Variants in PCLO observed in about 807,000 individuals in gnomAD.
PCLO encodes piccolo presynaptic cytomatrix protein, also known as protein piccolo.
A neutral mutation model predicts 427.5 loss-of-function variants in PCLO; 82 were observed. The ratio of observed to expected loss-of-function variants is 0.19; its 90% CI spans 0.16 to 0.23. PCLO has a LOEUF of 0.23. PCLO is among the 10% of genes least tolerant of loss of function. The pLI, the probability that PCLO is intolerant of heterozygous loss-of-function variation, is 1.00. For missense variants in PCLO, 6,239 were observed against 6,115.9 expected (o/e 1.02, Z -0.67); for synonymous variants, 2,357 against 2,155.4 (o/e 1.09, Z -2.59).
intron 9 of PCLO, among the ~76,000 whole-genome samples, 192 bp downstream of exon 9, chr7:82,902,459 G>A (rs1794067547): frequency 6.6e-6 from 1 of 151,892 alleles, no homozygotes; most frequent in Non-Finnish European, 1.5e-5. Flanking sequence ...ATAGCATTAG[G>A]AGATATACCT....
intron 3 of PCLO, among the ~76,000 whole-genome samples, chr7:83,082,204 A>G (rs1790120023): frequency 6.6e-6 from 1 of 151,592 alleles, no homozygotes; most frequent in Non-Finnish European, 1.5e-5. Context: ...AAAATATGCA[A>G]TAGAAAAAAC....
chr7:83,088,882 G>A (rs1280522333), intron 3 of PCLO, among the ~76,000 whole-genome samples: 3 of 151,956 alleles, frequency 2.0e-5, no homozygotes, highest in East Asian at 1.9e-4. Flanking sequence ...CACTGCTGAC[G>A]AGATAATCTT....
intron 3 of PCLO, among the ~76,000 whole-genome samples, chr7:82,995,123 T>C (rs1030691910): frequency 1.3e-5 from 2 of 152,108 alleles, no homozygotes; most frequent in South Asian, 2.1e-4. Context: ...GGGAGTTACA[T>C]TGAATACATG....
At chr7:82,837,101 T>C (rs931411517) in intron 15 of PCLO, among the ~76,000 whole-genome samples, 1 of 152,124 alleles carries the variant, frequency 6.6e-6, no homozygotes, top group African/African-American at 2.4e-5. Context: ...ATTATGCTTA[T>C]ACGAGGTATT....
At chr7:83,093,492 A>ATATATATATATATATTTT in intron 3 of PCLO, among the ~76,000 whole-genome samples, 3 of 59,292 alleles carry the variant, frequency 5.1e-5, no homozygotes, top group Non-Finnish European at 9.8e-5. Flanking sequence ...ATATATATAT[A>ATATATATATATATATTTT]TTTTTTTTTT....
chr7:83,156,311 G>C lies in PCLO; in HGVS notation c.330C>G (p.Leu110=), dbSNP rs771152001. Residue 110 remains leucine (L), a synonymous_variant, in exon 2 of 25, where the codon CTC becomes CTG. Coordinates refer to ENST00000333891, the MANE Select transcript of PCLO (RefSeq NM_033026.6). ...AAGTGTCTGTAGTTCTACTTTTACT[G>C]AGACCAGGTTGAGCTGGACGCCCAG... The part of the protein sequence containing the change: ...PDPGRPAQPG[L]SKSRTTDTFR... 23 of 1,613,118 alleles carry C rather than the reference G, an allele frequency of 1.4e-5. No homozygotes were observed. Among genetic ancestry groups the C allele is most frequent in the Non-Finnish European group, 1.9e-5 (23 of 1,179,650 alleles).
intron 3 of PCLO, among the ~76,000 whole-genome samples, chr7:83,032,157 A>C (rs1463691635): frequency 6.6e-6 from 1 of 151,992 alleles, no homozygotes; most frequent in African/African-American, 2.4e-5. Flanking sequence ...CCTATCAAAC[A>C]CTCAGTCCTA....
At chr7:83,096,699 C>T (rs1449599047) in intron 3 of PCLO, among the ~76,000 whole-genome samples, 1 of 133,306 alleles carries the variant, frequency 7.5e-6, no homozygotes, top group Non-Finnish European at 1.6e-5. Flanking sequence ...TAAAGTAAAC[C>T]AGCAAGGTAA....
chr7:82,949,555 G>C lies in PCLO; in HGVS notation c.11033C>G (p.Ser3678Cys). Residue 3678 changes from serine (S) to cysteine (C), a missense_variant, in exon 6 of 25, where the codon TCT becomes TGT. Ser to Cys is a moderately radical substitution (Grantham distance 112). This residue lies in a region of PCLO where 4,677 missense variants were observed against 4,468.4 expected (regional missense o/e 1.05). Coordinates refer to ENST00000333891, the MANE Select transcript of PCLO (RefSeq NM_033026.6). ...ACTCAGAGGCTTGGGGTCAGACATAGAACGCTGCATCATCTTGGCTGTCTT... is the reference window on the plus strand; with the variant it reads ...ACTCAGAGGCTTGGGGTCAGACATACAACGCTGCATCATCTTGGCTGTCTT... Reference protein sequence around the residue: ...SPKTAKMMQRSMSDPKPLSPT... With the variant: ...SPKTAKMMQRCMSDPKPLSPT... The C allele has an allele frequency of 6.2e-7, 1 of 1,613,854 alleles. No homozygotes were observed. The highest frequency in any genetic ancestry group is 8.5e-7 in the Non-Finnish European group (1 of 1,179,830).
intron 3 of PCLO, among the ~76,000 whole-genome samples, chr7:83,101,586 C>T (rs953901523): frequency 4.0e-5 from 6 of 151,878 alleles, no homozygotes; most frequent in Non-Finnish European, 7.4e-5. Context: ...TAAATTACAC[C>T]CACTGACAGT....
intron 22 of PCLO, among the ~76,000 whole-genome samples, chr7:82,783,634 C>G (rs55649307): frequency 6.6e-6 from 1 of 151,136 alleles, no homozygotes; most frequent in Non-Finnish European, 1.5e-5. Flanking sequence ...AACCAACCAA[C>G]CAAACAAAAA....
At chr7:83,124,912 G>A (rs1172118472) in intron 3 of PCLO, among the ~76,000 whole-genome samples, 1 of 152,074 alleles carries the variant, frequency 6.6e-6, no homozygotes. Context: ...ACGCCGCCAC[G>A]CCTGACTGGT....
intron 3 of PCLO, among the ~76,000 whole-genome samples, chr7:83,096,560 T>A (rs1209183195): frequency 1.3e-5 from 2 of 151,274 alleles, no homozygotes; most frequent in Non-Finnish European, 2.9e-5. Flanking sequence ...GGATACACGC[T>A]ATGTATGTCA....
At chr7:83,081,235 C>A (rs1411849475) in intron 3 of PCLO, among the ~76,000 whole-genome samples, 1 of 151,894 alleles carries the variant, frequency 6.6e-6, no homozygotes, top group Admixed American at 6.6e-5. Flanking sequence ...AAACTTTGTA[C>A]TACAAGACCA....
chr7:82,757,016 A>G lies in PCLO; in HGVS notation c.*1559T>C, dbSNP rs1480540106. The G allele has an allele frequency of 2.6e-5, 4 of 152,268 alleles. No individual in the cohort carries two copies. The highest frequency in any genetic ancestry group is 9.6e-5 in the African/African-American group (4 of 41,562). The allele number at this position is 152,268 out of a possible 1,614,324, so 9.4% of individuals were successfully genotyped here. On this transcript the variant is annotated 3_prime_UTR_variant, in exon 25 of 25. Transcript: ENST00000333891. The stretch of plus-strand genomic sequence containing the variant: ...ATTCCTCACTTCTGTGTATAAAACT[A>G]TATTTGGAAATGTGCTTTCATCTTT...
intron 3 of PCLO, among the ~76,000 whole-genome samples, chr7:83,004,616 A>C (rs749098785): frequency 4.4e-5 from 6 of 135,098 alleles, no homozygotes; most frequent in Middle Eastern, 3.5e-3. Context: ...TTTGGCAATG[A>C]TTTTTTAGAT....
intron 14 of PCLO, among the ~76,000 whole-genome samples, chr7:82,840,980 T>A (rs1376245344): frequency 6.6e-6 from 1 of 151,620 alleles, no homozygotes; most frequent in Admixed American, 6.6e-5. Context: ...TTATCTATTT[T>A]TATTTTATTT....
chr7:82,968,010 T>A (rs1042235000), intron 3 of PCLO, among the ~76,000 whole-genome samples: 1 of 152,354 alleles, frequency 6.6e-6, no homozygotes, highest in South Asian at 2.1e-4. Flanking sequence ...AATCACTTAT[T>A]GCTCTAGAAT....
chr7:82,993,313 A>G (rs1316541511), intron 3 of PCLO, among the ~76,000 whole-genome samples: 1 of 152,068 alleles, frequency 6.6e-6, no homozygotes, highest in Non-Finnish European at 1.5e-5. Flanking sequence ...TTGTCTACAA[A>G]GATATTTTTA....
Sources: gnomAD v4.1 joint callset for allele counts (sites outside exome capture counted in the v4.1 genomes callset) on GRCh38, gnomAD v4.1.1 for gene constraint, gnomAD v4.1.1 regional missense constraint, MANE v1.5 for transcripts, NCBI Gene and HGNC (gene_info 2026-07-23, HGNC 2026-07-21) for gene names.